The following NAA25 variants were observed in gnomAD, a reference collection of about 807,000 sequenced individuals.
NAA25 encodes the protein N-terminal acetyltransferase B complex subunit NAA25.
NAA25 carries 30 observed loss-of-function variants against 132.5 expected under a neutral mutation model. The observed-to-expected ratio is 0.23, with a 90% CI of 0.17 to 0.31. NAA25 has a LOEUF of 0.31. Ranked by LOEUF, NAA25 falls within the 10% of genes least tolerant of loss-of-function variation. NAA25 has a pLI of 1.00. For synonymous variants in NAA25, 359 were observed against 401.9 expected, an observed-to-expected ratio of 0.89 and a Z score of 1.28; for missense variants, 771 against 1,150.4, an observed-to-expected ratio of 0.67 and a Z score of 4.77.
intron 19 of NAA25, 194 bp from the exon 20 acceptor site, chr12:112,042,298 C>T (rs1021124742): frequency 3.2e-6 from 1 of 311,124 alleles, no homozygotes; most frequent in Non-Finnish European, 5.8e-6. Context: ...AAGAAAGGCA[C>T]TAATTACCTT....
intron 11 of NAA25, among the ~76,000 whole-genome samples, chr12:112,064,500 T>C (rs1020825622): frequency 6.6e-6 from 1 of 152,188 alleles, no homozygotes; most frequent in Non-Finnish European, 1.5e-5. Context: ...AGTGCTGGGA[T>C]TGCAGACATA....
chr12:112,105,452 G>A (rs2079349075), intron 1 of NAA25, among the ~76,000 whole-genome samples: 1 of 152,260 alleles, frequency 6.6e-6, no homozygotes, highest in African/African-American at 2.4e-5. Context: ...CATGGGTGGA[G>A]GTTTTCAAAA....
intron 2 of NAA25, among the ~76,000 whole-genome samples, chr12:112,091,635 G>T (rs1366238156): frequency 6.6e-6 from 1 of 151,872 alleles, no homozygotes; most frequent in African/African-American, 2.4e-5. Flanking sequence ...CAAAGCTGCA[G>T]TGAGCTGTGA....
rs187133196 is a variant in NAA25, at chr12:112,054,761, A to T, written c.1448-193T>A. 8.5e-5 allele frequency among the ~76,000 whole-genome samples: 13 copies of T among 152,352 alleles called. No individual in the cohort carries two copies. In the East Asian group the frequency reaches 2.1e-3, roughly 25 times the overall value. Reference sequence around the variant, plus strand: ...TCAACAGAGAGTCCTTCAATAGTTAAGTCTATTCTTAAACATGCCCACAGC... The same window carrying T: ...TCAACAGAGAGTCCTTCAATAGTTATGTCTATTCTTAAACATGCCCACAGC... On this transcript the variant is annotated intron_variant, in intron 13 of 23. Transcript: ENST00000261745.
At chr12:112,046,725 C>A (rs1329453479) in intron 17 of NAA25, among the ~76,000 whole-genome samples, 2 of 152,168 alleles carry the variant, frequency 1.3e-5, no homozygotes, top group Non-Finnish European at 2.9e-5. Context: ...GCCTTGCTGA[C>A]CACAAGTATT....
At chr12:112,108,613 C>A in intron 1 of NAA25, 103 bp downstream of exon 1, 1 of 1,183,476 alleles carries the variant, frequency 8.4e-7, no homozygotes, top group Admixed American at 4.5e-5. Flanking sequence ...CTGCGCCTGC[C>A]CGGCCCGCGC....
intron 15 of NAA25, among the ~76,000 whole-genome samples, chr12:112,052,918 GTCAAC>G: frequency 6.6e-6 from 1 of 152,256 alleles, no homozygotes; most frequent in Admixed American, 6.5e-5. Context: ...TTTATAATTG[GTCAAC>G]TGAGTACAGA....
At chr12:112,077,525 C>T (rs757887478) in intron 7 of NAA25, among the ~76,000 whole-genome samples, 5 of 151,198 alleles carry the variant, frequency 3.3e-5, no homozygotes, top group Admixed American at 6.6e-5. Flanking sequence ...GGTGTGTGCC[C>T]GTCGTCCTAG....
In NAA25 at chr12:112,060,301, G is replaced by A; in HGVS notation, c.1416C>T (p.Val472=). The change falls in exon 13 of 24, where the codon GTC becomes GTT. Residue 472 remains valine (V), a synonymous_variant. Transcript: ENST00000261745. The part of the protein sequence containing the change: ...QFSDYYCLLA[V]HALIDVWRET... ...CCCTCCATACATCAATAAGCGCATG[G>A]ACAGCAAGGAGACAGTAATAGTCAG... The A allele has an allele frequency of 6.2e-7, 1 of 1,613,464 alleles. No homozygotes were observed. Among genetic ancestry groups the A allele is most frequent in the South Asian group, 1.1e-5 (1 of 91,014 alleles).
At chr12:112,078,583 G>T in intron 6 of NAA25, 51 bp downstream of exon 6, 1 of 1,421,160 alleles carries the variant, frequency 7.0e-7, no homozygotes, top group Non-Finnish European at 9.9e-7. Context: ...ACATAATATT[G>T]TAGCACTAGC....
chr12:112,061,438 T>A (rs1383265627), intron 11 of NAA25, 50 bp from the exon 12 acceptor site: 1 of 1,282,014 alleles, frequency 7.8e-7, no homozygotes, highest in Non-Finnish European at 1.1e-6. Context: ...CAACTAGTCT[T>A]CAGTAGGCCA....
chr12:112,053,529 T>C (rs1337519626), intron 15 of NAA25, 29 bp downstream of exon 15: 16 of 1,479,464 alleles, frequency 1.1e-5, no homozygotes, highest in Non-Finnish European at 1.5e-5. Flanking sequence ...GCAGACAAGA[T>C]CACAGTTAAA....
At chr12:112,041,680 CATAAT>C (rs2078302864) in intron 20 of NAA25, among the ~76,000 whole-genome samples, 1 of 152,008 alleles carries the variant, frequency 6.6e-6, no homozygotes, top group Non-Finnish European at 1.5e-5. Context: ...AACTCATATA[CATAAT>C]ATGTCACCAA....
intron 23 of NAA25, 86 bp from the exon 24 acceptor site, chr12:112,029,739 A>T: frequency 6.5e-7 from 1 of 1,546,116 alleles, no homozygotes; most frequent in East Asian, 2.3e-5. Flanking sequence ...TAAAGCTGCC[A>T]TTACCTTTGG....
chr12:112,059,834 G>A (rs2078599868), intron 13 of NAA25, among the ~76,000 whole-genome samples: 1 of 148,516 alleles, frequency 6.7e-6, no homozygotes, highest in African/African-American at 2.5e-5. Flanking sequence ...TTGAGACGGA[G>A]TCTTGCTCTG....
At position 112,087,670 on chromosome 12, in the gene NAA25, G is replaced by T; in HGVS notation, c.402+13C>A. On this transcript the variant is annotated intron_variant, in intron 4 of 23. Coordinates refer to ENST00000261745, the MANE Select transcript of NAA25 (RefSeq NM_024953.4). ...TAAATCCCATAGCCCAGTAGGTTTG[G>T]GGATCAAATTACCTGTTGCATTTTC... 1 of 1,582,104 alleles carries T rather than the reference G, an allele frequency of 6.3e-7. No individual in the cohort carries two copies. The highest frequency in any genetic ancestry group is 1.1e-5 in the South Asian group (1 of 89,968).
At chr12:112,056,851 C>T (rs1372746570) in intron 13 of NAA25, among the ~76,000 whole-genome samples, 1 of 152,166 alleles carries the variant, frequency 6.6e-6, no homozygotes, top group Non-Finnish European at 1.5e-5. Flanking sequence ...TCTCTGCCCT[C>T]CATTTCTCTC....
chr12:112,088,767 T>C (rs934009687), intron 3 of NAA25, among the ~76,000 whole-genome samples: 3 of 152,000 alleles, frequency 2.0e-5, no homozygotes, highest in Admixed American at 1.3e-4. Flanking sequence ...ATTACAGGCA[T>C]GCATCACCAC....
At chr12:112,057,005 T>C (rs1038486904) in intron 13 of NAA25, among the ~76,000 whole-genome samples, 11 of 151,860 alleles carry the variant, frequency 7.2e-5, no homozygotes, top group Middle Eastern at 6.8e-3. Flanking sequence ...CTGACCAACA[T>C]GGTAAAACCC....
Sources: allele counts gnomAD v4.1 joint callset (sites outside exome capture counted in the v4.1 genomes callset), GRCh38; gene constraint gnomAD v4.1.1; transcripts MANE v1.5; gene names NCBI Gene and HGNC (gene_info 2026-07-23, HGNC 2026-07-21).